GALNT13: variants seen among roughly 807,000 people sequenced by gnomAD.
GALNT13 encodes the protein UDP-GalNAc:polypeptide N-acetylgalactosaminyltransferase 13.
GALNT13 carries 28 observed loss-of-function variants against 64.2 expected under a neutral mutation model. The observed-to-expected ratio is 0.44, with a 90% CI of 0.32 to 0.60. The LOEUF is 0.60. GALNT13 is among the 20% of genes least tolerant of loss of function. The pLI is 0.05. For synonymous variants in GALNT13, 214 were observed against 224.6 expected, an observed-to-expected ratio of 0.95 and a Z score of 0.42; for missense variants, 577 against 669.8, an observed-to-expected ratio of 0.86 and a Z score of 1.53.
At chr2:153,889,476 C>G (rs1687406104) in intron 1 of GALNT13, among the ~76,000 whole-genome samples, 2 of 151,988 alleles carry the variant, frequency 1.3e-5, no homozygotes, top group Admixed American at 1.3e-4. Flanking sequence ...GAGTTACTTT[C>G]TGTCTGTTTG....
chr2:154,332,592 T>C (rs1695226763), intron 9 of GALNT13, among the ~76,000 whole-genome samples: 1 of 152,124 alleles, frequency 6.6e-6, no homozygotes, highest in African/African-American at 2.4e-5. Flanking sequence ...AACCTCTTTA[T>C]AAGACACCTA....
chr2:153,779,074 A>G, the GALNT13 span, among the ~76,000 whole-genome samples: 5 of 152,206 alleles, frequency 3.3e-5, no homozygotes, highest in African/African-American at 1.2e-4. Flanking sequence ...GCAAAGAACA[A>G]TTAATGTTTG....
the GALNT13 span, among the ~76,000 whole-genome samples, chr2:153,656,317 AGTGTGTGT>A: frequency 2.0e-5 from 3 of 149,360 alleles, no homozygotes; most frequent in Non-Finnish European, 4.4e-5. Flanking sequence ...GACTTAAAGA[AGTGTGTGT>A]GTGTGTGTGT....
At chr2:154,275,891 C>T (rs1691622451) in intron 8 of GALNT13, among the ~76,000 whole-genome samples, 1 of 152,206 alleles carries the variant, frequency 6.6e-6, no homozygotes, top group African/African-American at 2.4e-5. Context: ...GCCGTGGGAG[C>T]CCATCTCTTG....
the GALNT13 span, among the ~76,000 whole-genome samples, chr2:153,666,562 G>T: frequency 6.6e-6 from 1 of 152,078 alleles, no homozygotes; most frequent in Non-Finnish European, 1.5e-5. Context: ...GCTGAGCCTT[G>T]GCCCCCTGAA....
At chr2:153,726,075 T>A in the GALNT13 span, among the ~76,000 whole-genome samples, 5 of 152,138 alleles carry the variant, frequency 3.3e-5, no homozygotes, top group Non-Finnish European at 5.9e-5. Context: ...AAGTAGAGAC[T>A]TCTGAAAAAA....
the GALNT13 span, among the ~76,000 whole-genome samples, chr2:153,220,252 C>G: frequency 6.6e-6 from 1 of 152,178 alleles, no homozygotes; most frequent in Admixed American, 6.5e-5. Context: ...GATGGTCAGG[C>G]AGTTGTCACA....
chr2:153,687,415 C>A, the GALNT13 span, among the ~76,000 whole-genome samples: 2 of 151,906 alleles, frequency 1.3e-5, no homozygotes, highest in Non-Finnish European at 2.9e-5. Flanking sequence ...TCTAGATTTT[C>A]TAGTTTATAT....
intron 9 of GALNT13, among the ~76,000 whole-genome samples, chr2:154,379,694 A>T (rs1387799407): frequency 6.6e-6 from 1 of 152,092 alleles, no homozygotes; most frequent in Non-Finnish European, 1.5e-5. Flanking sequence ...AGAAATCTAT[A>T]ATTACACTAT....
intron 4 of GALNT13, among the ~76,000 whole-genome samples, chr2:154,164,856 T>C (rs185860908): frequency 6.6e-6 from 1 of 152,012 alleles, no homozygotes; most frequent in Non-Finnish European, 1.5e-5. Context: ...AAAAAACAAG[T>C]TTTTGGTTTA....
chr2:154,322,144 C>CTTTTTTTTTTTTTTTT (rs70983718), intron 9 of GALNT13, among the ~76,000 whole-genome samples: 1 of 16,612 alleles, frequency 6.0e-5, no homozygotes, highest in Non-Finnish European at 1.0e-4. Context: ...AAAATATGTA[C>CTTTTTTTTTTTTTTTT]TTTTTTTTTT....
chr2:153,423,728 A>T, the GALNT13 span, among the ~76,000 whole-genome samples: 1 of 151,844 alleles, frequency 6.6e-6, no homozygotes, highest in Admixed American at 6.6e-5. Flanking sequence ...CAGAGGCAAG[A>T]CTTTAATGAG....
chr2:153,351,503 C>G, the GALNT13 span, among the ~76,000 whole-genome samples: 2 of 152,168 alleles, frequency 1.3e-5, no homozygotes, highest in African/African-American at 4.8e-5. Flanking sequence ...CGTTAGTTCA[C>G]TCTTGGTGTT....
At chr2:153,740,450 C>T in the GALNT13 span, among the ~76,000 whole-genome samples, 3 of 151,950 alleles carry the variant, frequency 2.0e-5, no homozygotes, top group Non-Finnish European at 4.4e-5. Flanking sequence ...CTTGAAAATT[C>T]TTACTTTTTC....
intron 3 of GALNT13, among the ~76,000 whole-genome samples, chr2:154,122,194 G>T (rs1446762924): frequency 6.6e-6 from 1 of 151,772 alleles, no homozygotes; most frequent in East Asian, 1.9e-4. Context: ...TTAAATGTGT[G>T]CTACATGTTT....
chr2:154,297,896 A>T (rs1195931419), intron 8 of GALNT13, among the ~76,000 whole-genome samples: 1 of 152,130 alleles, frequency 6.6e-6, no homozygotes. Flanking sequence ...AATAGAAAAA[A>T]ATAAGACCTG....
At chr2:153,391,866 A>G in the GALNT13 span, among the ~76,000 whole-genome samples, 1 of 151,468 alleles carries the variant, frequency 6.6e-6, no homozygotes, top group African/African-American at 2.4e-5. Context: ...GCAAAGGAAA[A>G]TCATAATTTT....
intron 4 of GALNT13, among the ~76,000 whole-genome samples, chr2:154,198,317 G>A (rs1686984941): frequency 6.6e-6 from 1 of 151,856 alleles, no homozygotes; most frequent in East Asian, 1.9e-4. Context: ...TACCTCACAT[G>A]CTTTAAATCT....
chr2:154,265,085 T>A (rs1354917105), intron 8 of GALNT13, among the ~76,000 whole-genome samples: 2 of 151,654 alleles, frequency 1.3e-5, no homozygotes, highest in Non-Finnish European at 2.9e-5. Flanking sequence ...TGACACAAAT[T>A]ATCAATTTTG....
Sources: allele counts gnomAD v4.1 joint callset (sites outside exome capture counted in the v4.1 genomes callset), GRCh38; gene constraint gnomAD v4.1.1; transcripts MANE v1.5; gene names NCBI Gene and HGNC (gene_info 2026-07-23, HGNC 2026-07-21).